Variants in ADAM18 observed in about 807,000 individuals in gnomAD.
ADAM18 encodes disintegrin and metalloproteinase domain-containing protein 18.
In ADAM18, 117 loss-of-function variants were observed where a neutral mutation model predicts 94.4. That is an observed-to-expected ratio of 1.24 (90% confidence interval 1.07 to 1.45). ADAM18 has a LOEUF of 1.45. Among genes scored for constraint, ADAM18 ranks in the 40% most tolerant of loss-of-function variants. ADAM18 has a pLI of 0.00. For synonymous variants in ADAM18, 327 were observed against 291.6 expected (o/e 1.12, Z -1.24); for missense variants, 936 against 880.0 (o/e 1.06, Z -0.81).
chr8:39,700,843 T>C (rs945567970), intron 17 of ADAM18, among the ~76,000 whole-genome samples: 1 of 151,882 alleles, frequency 6.6e-6, no homozygotes, highest in East Asian at 1.9e-4. Context: ...TATTGACCCA[T>C]ATAAGTTAAA....
chr8:39,719,245 T>A (rs1822675449), intron 18 of ADAM18, among the ~76,000 whole-genome samples: 1 of 151,410 alleles, frequency 6.6e-6, no homozygotes, highest in African/African-American at 2.4e-5. Flanking sequence ...AAACTTTAGC[T>A]TTTTAAACAA....
At chr8:39,723,929 T>A (rs1240777771) in intron 19 of ADAM18, 22 bp downstream of exon 19, 12 of 1,357,236 alleles carry the variant, frequency 8.8e-6, no homozygotes, top group Non-Finnish European at 1.2e-5. Context: ...ATAGAATCAA[T>A]GTATTAGGTT....
chr8:39,587,540 G>T (rs1818440221), intron 2 of ADAM18, among the ~76,000 whole-genome samples: 1 of 152,146 alleles, frequency 6.6e-6, no homozygotes, highest in South Asian at 2.1e-4. Flanking sequence ...TGCCTCCTGG[G>T]CTCAAGCAAT....
At chr8:39,649,335 C>A (rs553638651) in intron 12 of ADAM18, among the ~76,000 whole-genome samples, 9 of 152,060 alleles carry the variant, frequency 5.9e-5, no homozygotes, top group African/African-American at 2.2e-4. Context: ...ACATATATCA[C>A]ACTTAAATGT....
chr8:39,634,648 T>C (rs1367695474), intron 7 of ADAM18, among the ~76,000 whole-genome samples: 1 of 152,170 alleles, frequency 6.6e-6, no homozygotes, highest in Non-Finnish European at 1.5e-5. Flanking sequence ...CTTGACTCTT[T>C]CTTCTTTCTG....
intron 2 of ADAM18, 110 bp from the exon 3 acceptor site, chr8:39,606,197 T>G: frequency 1.6e-6 from 1 of 625,148 alleles, no homozygotes. Flanking sequence ...ATTCTAAAGA[T>G]TATGTTCATT....
At position 39,637,677 on chromosome 8, in the gene ADAM18, G is replaced by A. The variant is rs1820121956; in HGVS notation, c.801G>A (p.Arg267=). The part of the protein sequence containing the change: ...LAWKRDYLIL[R]PHDIAYLLVY... ...GGAAACGGGACTATCTCATCCTACG[G>A]CCCCATGACATAGCATACTTACTTG... Residue 267 remains arginine (R), a synonymous_variant, in exon 9 of 20, where the codon CGG becomes CGA. Transcript: ENST00000265707. 2 of 1,609,472 alleles carry A rather than the reference G, an allele frequency of 1.2e-6. No individual in the cohort carries two copies. The highest frequency in any genetic ancestry group is 1.3e-5 in the African/African-American group (1 of 74,636).
At chr8:39,716,092 C>A (rs901758299) in intron 18 of ADAM18, among the ~76,000 whole-genome samples, 1 of 151,916 alleles carries the variant, frequency 6.6e-6, no homozygotes, top group Non-Finnish European at 1.5e-5. Context: ...TTTTCTCTCT[C>A]TCTTTTTTCT....
chr8:39,658,442 C>T (rs1820744519), intron 12 of ADAM18, among the ~76,000 whole-genome samples: 1 of 152,076 alleles, frequency 6.6e-6, no homozygotes, highest in Admixed American at 6.6e-5. Context: ...AAGAATTTGA[C>T]TTCCCTTTAC....
intron 6 of ADAM18, among the ~76,000 whole-genome samples, chr8:39,620,416 AAAAACCAAC>A (rs1819581272): frequency 1.3e-5 from 2 of 149,352 alleles, no homozygotes; most frequent in Non-Finnish European, 1.5e-5. Flanking sequence ...AAATGTAAAA[AAAAACCAAC>A]AACCAACCAA....
At chr8:39,692,837 A>C (rs1166819399) in intron 17 of ADAM18, among the ~76,000 whole-genome samples, 157 bp downstream of exon 17, 1 of 151,700 alleles carries the variant, frequency 6.6e-6, no homozygotes, top group East Asian at 1.9e-4. Context: ...ATAACATATT[A>C]AGTGAATTGT....
At chr8:39,612,411 C>T (rs1434014872) in intron 6 of ADAM18, among the ~76,000 whole-genome samples, 1 of 152,150 alleles carries the variant, frequency 6.6e-6, no homozygotes, top group Non-Finnish European at 1.5e-5. Context: ...GGCCCACTCT[C>T]ACTATAAAAA....
chr8:39,645,400 T>A lies in ADAM18; in HGVS notation c.972T>A (p.Asn324Lys). Residue 324 changes from asparagine (N) to lysine (K), a missense_variant, in exon 11 of 20, where the codon AAT (asparagine) becomes AAA (lysine). Asn to Lys is a moderately conservative substitution (Grantham distance 94). Coordinates refer to ENST00000265707, the MANE Select transcript of ADAM18 (RefSeq NM_014237.3). ...SVIIAQLLGL[N>K]VGLTYDDITQ... Reference sequence around the variant, plus strand: ...TTATAGCTCAACTGCTTGGCCTTAATGTAGGATTAACATATGATGACATCA... The same window carrying A: ...TTATAGCTCAACTGCTTGGCCTTAAAGTAGGATTAACATATGATGACATCA... 6.2e-7 allele frequency: 1 copy of A among 1,612,762 alleles called. No individual in the cohort carries two copies. Among genetic ancestry groups the A allele is most frequent in the Non-Finnish European group, 8.5e-7 (1 of 1,179,324 alleles).
At chr8:39,638,085 T>TTTTAATA (rs1193671147) in intron 9 of ADAM18, among the ~76,000 whole-genome samples, 2 of 151,926 alleles carry the variant, frequency 1.3e-5, no homozygotes, top group Admixed American at 6.6e-5. Context: ...TTTGGGTTTT[T>TTTTAATA]TTTAATATTT....
At chr8:39,691,557 T>G (rs1821781446) in intron 16 of ADAM18, among the ~76,000 whole-genome samples, 2 of 152,004 alleles carry the variant, frequency 1.3e-5, no homozygotes, top group South Asian at 2.1e-4. Flanking sequence ...CTATTCACAA[T>G]AACCAAACTA....
At chr8:39,588,733 C>T (rs1818482681) in intron 2 of ADAM18, among the ~76,000 whole-genome samples, 1 of 152,132 alleles carries the variant, frequency 6.6e-6, no homozygotes, top group Non-Finnish European at 1.5e-5. Context: ...GCAAGCACGC[C>T]TGCAATTGAA....
chr8:39,603,397 A>G (rs1818966264), intron 2 of ADAM18, among the ~76,000 whole-genome samples: 1 of 152,158 alleles, frequency 6.6e-6, no homozygotes, highest in Non-Finnish European at 1.5e-5. Flanking sequence ...CTTAATTGCA[A>G]TTCACACCTG....
At chr8:39,701,512 T>G (rs1240601416) in intron 17 of ADAM18, among the ~76,000 whole-genome samples, 3 of 152,136 alleles carry the variant, frequency 2.0e-5, no homozygotes, top group African/African-American at 7.2e-5. Flanking sequence ...AGGGTACGTG[T>G]GAAAGGATGT....
intron 16 of ADAM18, among the ~76,000 whole-genome samples, chr8:39,685,700 C>T (rs530336704): frequency 1.1e-3 from 164 of 152,234 alleles, no homozygotes; most frequent in African/African-American, 3.7e-3. Flanking sequence ...TTTAGTTCTG[C>T]TTTCCTTTTC....
Sources: allele counts gnomAD v4.1 joint callset (sites outside exome capture counted in the v4.1 genomes callset), GRCh38; gene constraint gnomAD v4.1.1; transcripts MANE v1.5; gene names NCBI Gene and HGNC (gene_info 2026-07-23, HGNC 2026-07-21).